The following TDRD7 variants were observed in gnomAD, a reference collection of about 807,000 sequenced individuals.
TDRD7 encodes the protein tudor domain-containing protein 7.
TDRD7 carries 47 observed loss-of-function variants against 109.8 expected under a neutral mutation model. The ratio of observed to expected loss-of-function variants is 0.43; its 90% CI spans 0.34 to 0.55. The LOEUF (loss-of-function observed/expected upper bound fraction) is 0.55, where lower values mean the gene tolerates loss of function less well. Among genes scored for constraint, TDRD7 ranks in the 20% least tolerant of loss-of-function variants. The pLI, the probability that TDRD7 is intolerant of heterozygous loss-of-function variation, is 0.03. For missense variants in TDRD7, 1,164 were observed against 1,319.2 expected, an observed-to-expected ratio of 0.88 and a Z score of 1.82; for synonymous variants, 424 against 457.3, an observed-to-expected ratio of 0.93 and a Z score of 0.93.
Position 97,496,035 on chromosome 9 carries a change from A to G in TDRD7, c.*152A>G, listed in dbSNP as rs1829392941. 1 of 677,080 alleles carries G rather than the reference A, an allele frequency of 1.5e-6. No individual in the cohort carries two copies. Among genetic ancestry groups the G allele is most frequent in the East Asian group, 2.8e-5 (1 of 36,332 alleles). The allele number at this position is 677,080 out of a possible 1,614,324, so 41.9% of individuals were successfully genotyped here. ...TTATGTTTGATGAAAGATATTTAACAAGTTTTGTTTTAACAGAGTTGACTT... is the reference window on the plus strand; with the variant it reads ...TTATGTTTGATGAAAGATATTTAACGAGTTTTGTTTTAACAGAGTTGACTT... On this transcript the variant is annotated 3_prime_UTR_variant, in exon 17 of 17. Transcript: ENST00000355295.
intron 15 of TDRD7, among the ~76,000 whole-genome samples, chr9:97,484,384 C>T (rs1409382972): frequency 2.0e-5 from 3 of 152,070 alleles, no homozygotes; most frequent in Non-Finnish European, 4.4e-5. Context: ...GCACAATGCC[C>T]ATCCTGTTCC....
intron 1 of TDRD7, among the ~76,000 whole-genome samples, chr9:97,416,425 T>C (rs1406178799): frequency 7.2e-5 from 11 of 152,198 alleles, no homozygotes; most frequent in Admixed American, 7.2e-4. Flanking sequence ...GAATTTAATA[T>C]CAGTTTGTGT....
chr9:97,423,150 G>C (rs1827925776), intron 1 of TDRD7, among the ~76,000 whole-genome samples: 1 of 152,098 alleles, frequency 6.6e-6, no homozygotes, highest in African/African-American at 2.4e-5. Flanking sequence ...AGCAATCCGG[G>C]CTTCAGGTTT....
chr9:97,495,721 G>A lies in TDRD7; in HGVS notation c.3135G>A (p.Glu1045=). ...EASMVFRNHV[E]KKPLVALVQT... ...CTATGGTGTTTCGAAATCATGTGGA[G>A]AAGAAACCTCTGGTGGCACTGGTGC... is the stretch of plus-strand genomic sequence containing the variant. The change falls in exon 17 of 17, where the codon GAG becomes GAA. Residue 1045 remains glutamate, a synonymous_variant. Coordinates refer to ENST00000355295, the MANE Select transcript of TDRD7 (RefSeq NM_014290.3). 6.2e-7 allele frequency: 1 copy of A among 1,614,176 alleles called. No homozygotes were observed. The highest frequency in any genetic ancestry group is 1.3e-5 in the African/African-American group (1 of 75,048).
At chr9:97,421,807 T>G (rs899612661) in intron 1 of TDRD7, among the ~76,000 whole-genome samples, 4 of 151,814 alleles carry the variant, frequency 2.6e-5, no homozygotes, top group African/African-American at 7.3e-5. Flanking sequence ...GTGACCCATG[T>G]GCCTTGGTCT....
intron 10 of TDRD7, 43 bp from the exon 11 acceptor site, chr9:97,473,449 T>A: frequency 6.2e-7 from 1 of 1,612,772 alleles, no homozygotes; most frequent in Non-Finnish European, 8.5e-7. Context: ...AAGAGCTGCA[T>A]TCTGCTCTCA....
At chr9:97,471,993 G>A (rs1019600193) in intron 9 of TDRD7, among the ~76,000 whole-genome samples, 1 of 152,132 alleles carries the variant, frequency 6.6e-6, no homozygotes, top group Non-Finnish European at 1.5e-5. Context: ...TTTTAAATAT[G>A]TGTTCATGTA....
chr9:97,493,100 C>T (rs1829333299), intron 16 of TDRD7, among the ~76,000 whole-genome samples: 1 of 152,130 alleles, frequency 6.6e-6, no homozygotes, highest in Admixed American at 6.5e-5. Flanking sequence ...AACTGGAATG[C>T]TTTAAGGATT....
chr9:97,428,248 CT>C (rs1405155720), intron 1 of TDRD7, among the ~76,000 whole-genome samples: 1 of 152,204 alleles, frequency 6.6e-6, no homozygotes, highest in African/African-American at 2.4e-5. Context: ...GATATATTCC[CT>C]CTTCAGGCTG....
chr9:97,460,209 T>A lies in TDRD7; in HGVS notation c.887T>A (p.Leu296Ter). 1 of 1,614,228 alleles carries A rather than the reference T, an allele frequency of 6.2e-7. No homozygotes were observed. Among genetic ancestry groups the A allele is most frequent in the Admixed American group, 1.7e-5 (1 of 60,028 alleles). Residue 296 changes from leucine (L) to a stop codon, truncating the protein, a stop_gained, in exon 7 of 17, where the codon TTA becomes TAA. Coordinates refer to ENST00000355295, the MANE Select transcript of TDRD7 (RefSeq NM_014290.3). LOFTEE classifies it high-confidence loss of function. The part of the protein sequence containing the change: ...VEKPCSGGQD[L>*]LLYPAKRKQL... ...AAACCTTGCAGTGGTGGCCAAGATT[T>A]ACTTCTTTATCCAGCTAAGAGAAAG...
At chr9:97,430,845 C>T (rs1828091790) in intron 2 of TDRD7, 88 bp from the exon 3 acceptor site, 1 of 1,522,696 alleles carries the variant, frequency 6.6e-7, no homozygotes. Flanking sequence ...GATATGTAGG[C>T]TCACTAAGAT....
intron 1 of TDRD7, among the ~76,000 whole-genome samples, chr9:97,417,973 A>C (rs1056276341): frequency 5.3e-5 from 8 of 152,210 alleles, no homozygotes; most frequent in African/African-American, 1.7e-4. Context: ...AAAAATACAA[A>C]AAGTAGCCAG....
chr9:97,483,592 T>C (rs1829160602), intron 15 of TDRD7, among the ~76,000 whole-genome samples: 1 of 152,112 alleles, frequency 6.6e-6, no homozygotes, highest in Non-Finnish European at 1.5e-5. Flanking sequence ...AAATATTTTT[T>C]CTATTTTTCT....
chr9:97,445,182 A>C (rs1687251202), intron 6 of TDRD7, among the ~76,000 whole-genome samples: 2 of 152,240 alleles, frequency 1.3e-5, no homozygotes. Flanking sequence ...GATCAAGGAC[A>C]CTGCACTCTA....
intron 7 of TDRD7, 82 bp downstream of exon 7, chr9:97,460,846 A>G: frequency 1.5e-6 from 2 of 1,340,428 alleles, no homozygotes; most frequent in Non-Finnish European, 1.1e-6. Flanking sequence ...TGAGGGTTAA[A>G]GGAAGAATAA....
intron 6 of TDRD7, 47 bp from the exon 7 acceptor site, chr9:97,460,131 T>G: frequency 6.5e-7 from 1 of 1,529,744 alleles, no homozygotes; most frequent in Non-Finnish European, 9.1e-7. Flanking sequence ...TGTGGGTTGT[T>G]TATAGTCACT....
At chr9:97,478,611 A>C in intron 13 of TDRD7, 38 bp downstream of exon 13, 2 of 1,612,890 alleles carry the variant, frequency 1.2e-6, no homozygotes, top group South Asian at 2.2e-5. Flanking sequence ...GCTGGAACAG[A>C]TTTGGATGTG....
chr9:97,477,985 G>GC (rs1829050405), intron 12 of TDRD7, among the ~76,000 whole-genome samples: 1 of 152,094 alleles, frequency 6.6e-6, no homozygotes, highest in East Asian at 1.9e-4. Flanking sequence ...TAGGCTGGGC[G>GC]CGGTGGCTCA....
At chr9:97,475,667 C>G (rs936037538) in intron 12 of TDRD7, among the ~76,000 whole-genome samples, 198 bp downstream of exon 12, 9 of 152,082 alleles carry the variant, frequency 5.9e-5, no homozygotes, top group African/African-American at 2.2e-4. Context: ...CTTCTGCCTC[C>G]ACCCCAGTTT....
Sources: allele counts gnomAD v4.1 joint callset (sites outside exome capture counted in the v4.1 genomes callset), GRCh38; gene constraint gnomAD v4.1.1; transcripts MANE v1.5; gene names NCBI Gene and HGNC (gene_info 2026-07-23, HGNC 2026-07-21).